MCC: variants seen among roughly 807,000 people sequenced by gnomAD.
MCC encodes the protein colorectal mutant cancer protein.
In MCC, 90 loss-of-function variants were observed where a neutral mutation model predicts 116.2. The observed-to-expected ratio is 0.77, with a 90% CI of 0.65 to 0.92. MCC has a LOEUF of 0.92. MCC is among the 40% of genes least tolerant of loss of function. MCC has a pLI of 0.00. For missense variants in MCC, 1,516 were observed against 1,312.2 expected, an observed-to-expected ratio of 1.16 and a Z score of -2.40; for synonymous variants, 578 against 510.5, an observed-to-expected ratio of 1.13 and a Z score of -1.78.
intron 3 of MCC, among the ~76,000 whole-genome samples, chr5:113,236,182 G>A (rs1045254202): frequency 9.9e-5 from 15 of 152,076 alleles, no homozygotes; most frequent in African/African-American, 3.4e-4. Context: ...AGCTGAGAGA[G>A]GTGAGGTATG....
intron 17 of MCC, among the ~76,000 whole-genome samples, chr5:113,033,799 C>A (rs1751127309): frequency 6.6e-6 from 1 of 152,226 alleles, no homozygotes; most frequent in African/African-American, 2.4e-5. Context: ...CCAGTACACA[C>A]ATGGATTTCA....
At chr5:113,045,799 CAA>C (rs70973664) in intron 16 of MCC, among the ~76,000 whole-genome samples, 4 of 131,296 alleles carry the variant, frequency 3.0e-5, no homozygotes, top group Admixed American at 7.8e-5. Context: ...AACTCCATCT[CAA>C]AAAAAAAAAA....
intron 3 of MCC, among the ~76,000 whole-genome samples, chr5:113,211,055 A>G (rs1021340660): frequency 1.6e-4 from 25 of 152,218 alleles, no homozygotes; most frequent in African/African-American, 5.5e-4. Context: ...GATGCTATCA[A>G]TTGACTGAGT....
intron 1 of MCC, among the ~76,000 whole-genome samples, chr5:113,431,059 T>C (rs1419271353): frequency 6.6e-6 from 1 of 151,476 alleles, no homozygotes; most frequent in Non-Finnish European, 1.5e-5. Context: ...TCTTAAGAGG[T>C]AGCTATGGTG....
At chr5:113,094,582 G>C (rs1019034841) in intron 8 of MCC, among the ~76,000 whole-genome samples, 1 of 151,968 alleles carries the variant, frequency 6.6e-6, no homozygotes, top group African/African-American at 2.4e-5. Context: ...CACCACGCCT[G>C]GCTAATTTTT....
intron 3 of MCC, among the ~76,000 whole-genome samples, chr5:113,324,863 C>T (rs1767512479): frequency 6.6e-6 from 1 of 151,590 alleles, no homozygotes. Flanking sequence ...GACAGGGTCC[C>T]CCTCTGTCAC....
rs545668663 is a variant in MCC, at chr5:113,136,144, T to C, written c.884+7074A>G. Among the ~76,000 whole-genome samples, 14 of 152,324 alleles carry C rather than the reference T, an allele frequency of 9.2e-5. No homozygotes were observed. In the Middle Eastern group the frequency reaches 0.01, roughly 112 times the overall value. ...CAAGAATATATGCATAGCGTAGCCA[T>C]TGCTTCTGATTACAGGCTATAGCTG... On this transcript the variant is annotated intron_variant, in intron 5 of 18. Transcript: ENST00000408903.
intron 8 of MCC, among the ~76,000 whole-genome samples, chr5:113,098,217 G>T (rs112591181): frequency 1.3e-3 from 193 of 152,250 alleles, no homozygotes; most frequent in Non-Finnish European, 2.2e-3. Context: ...AAACAATGTA[G>T]CTAAAAAAAT....
chr5:113,363,143 G>A (rs1236613573), intron 2 of MCC, among the ~76,000 whole-genome samples: 5 of 152,096 alleles, frequency 3.3e-5, no homozygotes, highest in Non-Finnish European at 7.4e-5. Context: ...CTGGTGTGGT[G>A]GCACGTGCCT....
At chr5:113,084,687 G>A (rs989604955) in intron 9 of MCC, among the ~76,000 whole-genome samples, 3 of 152,202 alleles carry the variant, frequency 2.0e-5, no homozygotes, top group African/African-American at 7.2e-5. Context: ...GTACTGGGGG[G>A]CTGTGGCAGT....
At chr5:113,361,218 T>C (rs1351478217) in intron 2 of MCC, among the ~76,000 whole-genome samples, 1 of 151,182 alleles carries the variant, frequency 6.6e-6, no homozygotes, top group African/African-American at 2.4e-5. Flanking sequence ...TTTTTTTTAC[T>C]TAACATTCTT....
At chr5:113,063,713 T>G (rs1044843099) in intron 14 of MCC, among the ~76,000 whole-genome samples, 1 of 152,080 alleles carries the variant, frequency 6.6e-6, no homozygotes, top group African/African-American at 2.4e-5. Flanking sequence ...GACAGAAAGG[T>G]AGGTTTGCAT....
chr5:113,262,136 T>C (rs1409515555), intron 3 of MCC, among the ~76,000 whole-genome samples: 1 of 152,126 alleles, frequency 6.6e-6, no homozygotes, highest in Non-Finnish European at 1.5e-5. Flanking sequence ...AAAGGGCCTA[T>C]TCTCCCAAGG....
chr5:113,070,989 T>TTGGTCCAAAC, intron 12 of MCC, 105 bp downstream of exon 12: 1 of 1,340,404 alleles, frequency 7.5e-7, no homozygotes, highest in Non-Finnish European at 1.0e-6. Context: ...TGGTCCAAAC[T>TTGGTCCAAAC]GCCAGATATG....
In MCC at chr5:113,041,769, T is replaced by A. The variant is rs117766331; in HGVS notation, c.2756+1761A>T. On this transcript the variant is annotated intron_variant, in intron 17 of 18. Coordinates refer to ENST00000408903, the MANE Select transcript of MCC (RefSeq NM_001085377.2). ...GAGCACACTGTGAGGCCAAGGCGGT[T>A]GGATCACATGAGGTCAGGAGTTCAA... is the stretch of plus-strand genomic sequence containing the variant. Among the ~76,000 whole-genome samples, 363 of 152,276 alleles carry A rather than the reference T, an allele frequency of 2.4e-3. 6 individuals are homozygous for A. In the East Asian group the frequency reaches 0.037, roughly 16 times the overall value.
At chr5:113,320,538 C>G (rs1471764410) in intron 3 of MCC, among the ~76,000 whole-genome samples, 1 of 151,652 alleles carries the variant, frequency 6.6e-6, no homozygotes, top group Non-Finnish European at 1.5e-5. Context: ...TACAGGCCCT[C>G]TACATGTTCC....
intron 8 of MCC, among the ~76,000 whole-genome samples, chr5:113,088,789 A>G (rs1180829282): frequency 8.5e-5 from 13 of 152,076 alleles, no homozygotes; most frequent in Non-Finnish European, 4.4e-5. Flanking sequence ...AGTTTGTAGT[A>G]ATCCAAATAC....
At chr5:113,378,229 C>A (rs973053496) in intron 2 of MCC, among the ~76,000 whole-genome samples, 6 of 152,194 alleles carry the variant, frequency 3.9e-5, no homozygotes, top group Non-Finnish European at 8.8e-5. Flanking sequence ...GAGGTCCTTC[C>A]TGTCTCAACC....
At chr5:113,403,776 G>A (rs1309349986) in intron 1 of MCC, among the ~76,000 whole-genome samples, 1 of 152,172 alleles carries the variant, frequency 6.6e-6, no homozygotes, top group African/African-American at 2.4e-5. Context: ...AGAATGTGAG[G>A]TCCAGTTAGT....
Sources: allele counts gnomAD v4.1 joint callset (sites outside exome capture counted in the v4.1 genomes callset), GRCh38; gene constraint gnomAD v4.1.1; transcripts MANE v1.5; gene names NCBI Gene and HGNC (gene_info 2026-07-23, HGNC 2026-07-21).